The following L3MBTL3 variants were observed in gnomAD, a reference collection of about 807,000 sequenced individuals.
L3MBTL3 encodes lethal(3)malignant brain tumor-like protein 3.
In L3MBTL3, 27 loss-of-function variants were observed where a neutral mutation model predicts 102.3. That is an observed-to-expected ratio of 0.26 (90% CI 0.19 to 0.36). The LOEUF is 0.36. Among genes scored for constraint, L3MBTL3 ranks in the 10% least tolerant of loss-of-function variants. The pLI, the probability that L3MBTL3 is intolerant of heterozygous loss-of-function variation, is 1.00. For missense variants in L3MBTL3, 798 were observed against 955.3 expected (o/e 0.84, Z 2.17); for synonymous variants, 340 against 320.9 (o/e 1.06, Z -0.64).
chr6:130,049,569 A>T, intron 4 of L3MBTL3, 176 bp downstream of exon 4: 1 of 699,362 alleles, frequency 1.4e-6, no homozygotes. Context: ...TTTTAAAATA[A>T]CTATAAACTG....
chr6:130,072,868 T>A (rs1782724263), intron 13 of L3MBTL3, among the ~76,000 whole-genome samples: 1 of 152,234 alleles, frequency 6.6e-6, no homozygotes, highest in African/African-American at 2.4e-5. Flanking sequence ...TGGTTTTAGG[T>A]CCAATAAGGT....
chr6:130,100,003 A>C (rs1355727289), intron 18 of L3MBTL3, among the ~76,000 whole-genome samples: 9 of 152,162 alleles, frequency 5.9e-5, no homozygotes, highest in African/African-American at 1.9e-4. Context: ...GGTTAGGAAT[A>C]AGGAAATTCT....
intron 16 of L3MBTL3, among the ~76,000 whole-genome samples, chr6:130,089,972 G>A (rs965365233): frequency 1.1e-4 from 16 of 151,916 alleles, no homozygotes; most frequent in South Asian, 4.2e-4. Flanking sequence ...TCCACTGTGG[G>A]TGGAAATACT....
intron 15 of L3MBTL3, among the ~76,000 whole-genome samples, chr6:130,085,498 T>C (rs1224320016): frequency 2.0e-5 from 3 of 152,174 alleles, no homozygotes; most frequent in Non-Finnish European, 4.4e-5. Flanking sequence ...AATAAGAAAA[T>C]TTTCTTGTCT....
intron 20 of L3MBTL3, among the ~76,000 whole-genome samples, chr6:130,124,524 G>C (rs1385927943): frequency 6.6e-6 from 1 of 152,192 alleles, no homozygotes; most frequent in Non-Finnish European, 1.5e-5. Flanking sequence ...GGGAAGTCAT[G>C]AGCCTTTTTG....
intron 18 of L3MBTL3, among the ~76,000 whole-genome samples, chr6:130,098,719 A>T (rs1277282842): frequency 6.6e-6 from 1 of 152,134 alleles, no homozygotes; most frequent in Non-Finnish European, 1.5e-5. Context: ...CAGAGAATTG[A>T]AATGCTTAAG....
intron 19 of L3MBTL3, among the ~76,000 whole-genome samples, chr6:130,108,231 G>GTTTTTTTTTTTTTTTTT (rs869221525): frequency 4.4e-5 from 4 of 91,046 alleles, no homozygotes; most frequent in Non-Finnish European, 8.5e-5. Context: ...TTTTTTTTTT[G>GTTTTTTTTTTTTTTTTT]TTTTTTTTTT....
intron 9 of L3MBTL3, among the ~76,000 whole-genome samples, chr6:130,059,426 A>G (rs149546293): frequency 1.3e-5 from 2 of 152,320 alleles, no homozygotes; most frequent in East Asian, 3.9e-4. Flanking sequence ...ATAGTATTCC[A>G]TCTTAGGCCT....
intron 20 of L3MBTL3, among the ~76,000 whole-genome samples, chr6:130,124,329 A>G (rs1186922502): frequency 6.6e-6 from 1 of 152,206 alleles, no homozygotes; most frequent in Non-Finnish European, 1.5e-5. Flanking sequence ...ATGGCCCACC[A>G]CAGATTCACT....
chr6:130,049,866 TTTTCTA>T (rs760451369), intron 5 of L3MBTL3, 36 bp downstream of exon 5: 2 of 1,584,822 alleles, frequency 1.3e-6, no homozygotes, highest in Non-Finnish European at 1.7e-6. Flanking sequence ...ATGCAATTCA[TTTTCTA>T]TTTCTTTCTC....
chr6:130,096,441 A>G (rs1784371455), intron 18 of L3MBTL3, among the ~76,000 whole-genome samples: 1 of 152,258 alleles, frequency 6.6e-6, no homozygotes, highest in African/African-American at 2.4e-5. Context: ...AGAAAATTTT[A>G]AAATGAGTAA....
chr6:130,044,921 C>T (rs1298711428), intron 3 of L3MBTL3, among the ~76,000 whole-genome samples: 6 of 152,094 alleles, frequency 3.9e-5, no homozygotes, highest in South Asian at 4.2e-4. Context: ...CTATTTTATC[C>T]TACCTAGGCT....
At chr6:130,121,004 A>G (rs1267893274) in intron 20 of L3MBTL3, 46 bp downstream of exon 20, 5 of 1,184,804 alleles carry the variant, frequency 4.2e-6, no homozygotes, top group Non-Finnish European at 6.2e-6. Flanking sequence ...TACTGCTAAT[A>G]TGAAACAATC....
At chr6:130,035,028 G>A (rs74399951) in intron 2 of L3MBTL3, among the ~76,000 whole-genome samples, 1,524 of 152,186 alleles carry the variant, frequency 0.01, 26 homozygotes, top group African/African-American at 0.035. Flanking sequence ...ATTTTCCTTC[G>A]TGACGTCTAT....
intron 4 of L3MBTL3, 81 bp from the exon 5 acceptor site, chr6:130,049,675 G>A (rs1780967011): frequency 9.6e-6 from 15 of 1,568,456 alleles, no homozygotes; most frequent in East Asian, 2.3e-5. Flanking sequence ...TTAGCCAAAA[G>A]CCTGCCACTT....
intron 14 of L3MBTL3, 31 bp downstream of exon 14, chr6:130,078,665 T>C (rs1032666761): frequency 1.3e-5 from 19 of 1,407,792 alleles, no homozygotes; most frequent in Non-Finnish European, 1.9e-5. Context: ...GCTAATACTA[T>C]TCGTAGACTT....
chr6:130,094,281 G>A lies in L3MBTL3; in HGVS notation c.1650G>A (p.Met550Ile), dbSNP rs780059422. Reference protein sequence around the residue: ...LQPPLSPLELMEASEHGGCST... With the variant: ...LQPPLSPLELIEASEHGGCST... Reference sequence around the variant, plus strand: ...CTTTCATAGGCCCCTTAGAATTAATGGAAGCTTCAGAACATGGTGGATGCT... The same window carrying A: ...CTTTCATAGGCCCCTTAGAATTAATAGAAGCTTCAGAACATGGTGGATGCT... The change falls in exon 18 of 23, where the codon ATG becomes ATA. Residue 550 changes from methionine (M) to isoleucine (I), a missense_variant. Met to Ile is a conservative substitution (Grantham distance 10). Transcript: ENST00000361794. The A allele has an allele frequency of 6.2e-7, 1 of 1,613,132 alleles. No individual in the cohort carries two copies. Among genetic ancestry groups the A allele is most frequent in the East Asian group, 2.2e-5 (1 of 44,848 alleles).
chr6:130,101,549 T>C (rs1784684622), intron 18 of L3MBTL3, among the ~76,000 whole-genome samples: 2 of 152,120 alleles, frequency 1.3e-5, no homozygotes, highest in Admixed American at 1.3e-4. Context: ...TCTTGAGGAA[T>C]GAGGTGAAGG....
chr6:130,098,980 A>C (rs966078564), intron 18 of L3MBTL3, among the ~76,000 whole-genome samples: 1 of 150,464 alleles, frequency 6.6e-6, no homozygotes, highest in Non-Finnish European at 1.5e-5. Context: ...CAATTATTGT[A>C]TATTGTATAT....
Sources: gnomAD v4.1 joint callset for allele counts (sites outside exome capture counted in the v4.1 genomes callset) on GRCh38, gnomAD v4.1.1 for gene constraint, MANE v1.5 for transcripts, NCBI Gene and HGNC (gene_info 2026-07-23, HGNC 2026-07-21) for gene names.